ABCA5: variants seen among roughly 807,000 people sequenced by gnomAD.
ABCA5 encodes the protein cholesterol transporter ABCA5.
ABCA5 carries 163 observed loss-of-function variants against 206.0 expected under a neutral mutation model. That is an observed-to-expected ratio of 0.79 (90% CI 0.70 to 0.90). The LOEUF is 0.90. Among genes scored for constraint, ABCA5 ranks in the 40% least tolerant of loss-of-function variants. ABCA5 has a pLI of 0.00. For missense variants in ABCA5, 1,859 were observed against 1,912.9 expected (o/e 0.97, Z 0.53); for synonymous variants, 609 against 613.8 (o/e 0.99, Z 0.11).
intron 7 of ABCA5, among the ~76,000 whole-genome samples, chr17:69,303,881 T>TACAC (rs1238855948): frequency 8.1e-6 from 1 of 122,788 alleles, no homozygotes; most frequent in African/African-American, 3.1e-5. Context: ...CATATATACA[T>TACAC]ACACACACAC....
At chr17:69,299,363 CACATGTT>C (rs530298250) in intron 9 of ABCA5, among the ~76,000 whole-genome samples, 241 of 152,156 alleles carry the variant, frequency 1.6e-3, no homozygotes, top group Non-Finnish European at 2.6e-3. Context: ...TACTTCCCCA[CACATGTT>C]GATAACAGTA....
intron 28 of ABCA5, among the ~76,000 whole-genome samples, chr17:69,259,165 T>C (rs957079819): frequency 2.6e-5 from 4 of 152,068 alleles, no homozygotes; most frequent in Non-Finnish European, 5.9e-5. Flanking sequence ...GCTGAATTCA[T>C]AGCAGCATTG....
Position 69,268,034 on chromosome 17 carries a change from T to C in ABCA5, c.3053A>G (p.Lys1018Arg), listed in dbSNP as rs1284057473. Residue 1018 changes from lysine (K) to arginine (R), a missense_variant, in exon 23 of 39, where the codon AAA becomes AGA. Transcript: ENST00000392676. ...AGCTGCTTGAAAATACAGCTCAATT[T>C]TAAAAACTATATCAGTAATTTCCTG... ...FFQEITDIVF[K>R]IELYFQAALL... 6.3e-7 allele frequency: 1 copy of C among 1,591,816 alleles called. No individual in the cohort carries two copies.
intron 17 of ABCA5, among the ~76,000 whole-genome samples, chr17:69,284,315 T>C (rs368017771): frequency 1.8e-4 from 28 of 152,238 alleles, no homozygotes; most frequent in African/African-American, 5.8e-4. Context: ...TGAGCTGTGA[T>C]TGTGGCACTG....
intron 34 of ABCA5, among the ~76,000 whole-genome samples, chr17:69,252,083 C>T (rs900414067): frequency 6.7e-6 from 1 of 149,488 alleles, no homozygotes; most frequent in South Asian, 2.1e-4. Flanking sequence ...CCGATCTCGG[C>T]TCACTGCAAG....
At chr17:69,268,745 A>T (rs57949169) in intron 22 of ABCA5, 59,054 of 152,036 alleles carry the variant, frequency 0.39, 12,467 homozygotes, top group Middle Eastern at 0.52. Flanking sequence ...GGTACTCTGC[A>T]CTGGAATAGA....
intron 32 of ABCA5, 75 bp downstream of exon 32, chr17:69,254,240 T>C: frequency 8.1e-7 from 1 of 1,228,286 alleles, no homozygotes. Context: ...GAAATGCTTG[T>C]TATGAAATTT....
chr17:69,285,206 C>T (rs768981182), intron 17 of ABCA5, among the ~76,000 whole-genome samples: 1 of 152,010 alleles, frequency 6.6e-6, no homozygotes, highest in Non-Finnish European at 1.5e-5. Flanking sequence ...AAAATAAGCA[C>T]ATATAAATGT....
chr17:69,271,948 G>T lies in ABCA5; in HGVS notation c.2765-659C>A, dbSNP rs558829098. ...AGCCAAGAGTAAGATTTTAAATCCT[G>T]TCGGGATTTAAATCTATACCAACAT... is the stretch of plus-strand genomic sequence containing the variant. On this transcript the variant is annotated intron_variant, in intron 20 of 38. Coordinates refer to ENST00000392676, the MANE Select transcript of ABCA5 (RefSeq NM_172232.4). Among the ~76,000 whole-genome samples the T allele has an allele frequency of 4.4e-4, 67 of 152,218 alleles. 1 individual carries two copies. In the South Asian group the frequency reaches 0.014, roughly 31 times the overall value.
intron 37 of ABCA5, chr17:69,249,035 G>C (rs1243758061): frequency 6.6e-6 from 1 of 151,970 alleles, no homozygotes; most frequent in Non-Finnish European, 1.5e-5. Flanking sequence ...CAATAAACAT[G>C]AATAAACAAT....
At chr17:69,288,290 T>G (rs1340313240) in intron 14 of ABCA5, among the ~76,000 whole-genome samples, 1 of 152,102 alleles carries the variant, frequency 6.6e-6, no homozygotes, top group African/African-American at 2.4e-5. Flanking sequence ...CCTAGCTGCA[T>G]GCATGCACCT....
rs1344766562 is a variant in ABCA5 at position 69,287,770 on chromosome 17, A to G, written c.1903-19T>C. ...GCAGTATCTGTGTGAAAAGAGGTGA[A>G]GAAGGGCAGGGAATCCTCAGAAAAA... On this transcript the variant is annotated intron_variant, in intron 14 of 38. Coordinates refer to ENST00000392676, the MANE Select transcript of ABCA5 (RefSeq NM_172232.4). 6.2e-7 allele frequency: 1 copy of G among 1,607,138 alleles called. No homozygotes were observed. The highest frequency in any genetic ancestry group is 1.7e-5 in the Admixed American group (1 of 58,882).
chr17:69,296,801 C>T (rs546305394), intron 10 of ABCA5, among the ~76,000 whole-genome samples: 4 of 152,096 alleles, frequency 2.6e-5, no homozygotes, highest in African/African-American at 7.2e-5. Context: ...CCTGTCTCTA[C>T]TAAAAATACA....
intron 1 of ABCA5, among the ~76,000 whole-genome samples, chr17:69,317,473 A>C (rs563864597): frequency 6.6e-6 from 1 of 151,232 alleles, no homozygotes; most frequent in East Asian, 1.9e-4. Flanking sequence ...ACAAAACGTT[A>C]TGTCAAGTGA....
At chr17:69,309,911 C>A (rs1567781735) in intron 3 of ABCA5, among the ~76,000 whole-genome samples, 1 of 152,022 alleles carries the variant, frequency 6.6e-6, no homozygotes, top group Non-Finnish European at 1.5e-5. Flanking sequence ...TACAATGTTG[C>A]AGACACTACT....
chr17:69,320,794 A>G (rs151300256), intron 1 of ABCA5, among the ~76,000 whole-genome samples: 2 of 152,296 alleles, frequency 1.3e-5, no homozygotes, highest in East Asian at 1.9e-4. Context: ...AGCAGGCCCA[A>G]TTTGAAAAGG....
chr17:69,260,890 T>G lies in ABCA5; in HGVS notation c.3564+235A>C, dbSNP rs77771569. Among the ~76,000 whole-genome samples, 377 of 152,094 alleles carry G rather than the reference T, an allele frequency of 2.5e-3. 1 individual carries two copies. The highest frequency in any genetic ancestry group is 8.7e-3 in the African/African-American group (360 of 41,576). Reference sequence around the variant, plus strand: ...GACTGAAACCATGTCACACTTCTAATTATATACATCATTTTGAGCATGAGA... The same window carrying G: ...GACTGAAACCATGTCACACTTCTAAGTATATACATCATTTTGAGCATGAGA... On this transcript the variant is annotated intron_variant, in intron 26 of 38. Transcript: ENST00000392676.
At chr17:69,315,719 G>A (rs1411730929) in intron 1 of ABCA5, among the ~76,000 whole-genome samples, 1 of 148,690 alleles carries the variant, frequency 6.7e-6, no homozygotes, top group African/African-American at 2.5e-5. Flanking sequence ...GGAGGCGGAG[G>A]TTGCAGTGAG....
chr17:69,253,769 A>C, intron 33 of ABCA5, 25 bp downstream of exon 33: 3 of 1,597,386 alleles, frequency 1.9e-6, no homozygotes, highest in Non-Finnish European at 2.6e-6. Context: ...AAATACAGGC[A>C]TTATTTGGTG....
Sources: allele counts gnomAD v4.1 joint callset (sites outside exome capture counted in the v4.1 genomes callset), GRCh38; gene constraint gnomAD v4.1.1; transcripts MANE v1.5; gene names NCBI Gene and HGNC (gene_info 2026-07-23, HGNC 2026-07-21).